Variants in ANK2 observed in about 807,000 individuals in gnomAD.
ANK2 encodes ankyrin-2.
In ANK2, 83 loss-of-function variants were observed where a neutral mutation model predicts 360.5. The ratio of observed to expected loss-of-function variants is 0.23; its 90% confidence interval spans 0.19 to 0.28. ANK2 has a LOEUF of 0.28. Among genes scored for constraint, ANK2 ranks in the 10% least tolerant of loss-of-function variants. ANK2 has a pLI of 1.00. For synonymous variants in ANK2, 1,740 were observed against 1,759.5 expected, an observed-to-expected ratio of 0.99 and a Z score of 0.28; for missense variants, 4,201 against 4,795.7, an observed-to-expected ratio of 0.88 and a Z score of 3.66.
At chr4:113,032,723 C>T (rs868819101) in intron 2 of ANK2, among the ~76,000 whole-genome samples, 4 of 151,968 alleles carry the variant, frequency 2.6e-5, no homozygotes, top group African/African-American at 7.2e-5. Flanking sequence ...CAATTAAATG[C>T]GTTGTATTTT....
intron 13 of ANK2, among the ~76,000 whole-genome samples, chr4:113,263,958 T>G (rs1051598761): frequency 6.6e-6 from 1 of 152,168 alleles, no homozygotes; most frequent in Non-Finnish European, 1.5e-5. Flanking sequence ...TTGTTCTTCA[T>G]GCTACACCTA....
chr4:113,090,879 CTGGT>C lies in ANK2; in HGVS notation c.84+41070_84+41073del, dbSNP rs78466097. On this transcript the variant is annotated intron_variant, in intron 1 of 45. Transcript: ENST00000357077. ...CACTTTCCATACTTTTATAATCTGC[CTGGT>C]TGTCCTAGGCATTTGAGTTTGAGAC... Among the ~76,000 whole-genome samples, 1,473 of 152,316 alleles carry C rather than the reference CTGGT, an allele frequency of 9.7e-3. 41 individuals carry two copies. In the East Asian group the frequency reaches 0.1, roughly 11 times the overall value.
intron 1 of ANK2, among the ~76,000 whole-genome samples, chr4:112,879,552 C>T (rs1457766895): frequency 1.3e-5 from 2 of 152,146 alleles, no homozygotes; most frequent in Admixed American, 6.5e-5. Context: ...CCCTCATCCA[C>T]AGAAACCGTG....
chr4:113,147,771 G>C (rs1351998), intron 1 of ANK2, among the ~76,000 whole-genome samples: 71,258 of 152,052 alleles, frequency 0.47, 17,568 homozygotes, highest in African/African-American at 0.63. Flanking sequence ...AATGAGCTTG[G>C]CTTTTACGTA....
intron 2 of ANK2, among the ~76,000 whole-genome samples, chr4:113,008,712 A>G (rs1481606422): frequency 1.3e-5 from 2 of 152,150 alleles, no homozygotes; most frequent in African/African-American, 4.8e-5. Flanking sequence ...ATTTTGTATC[A>G]TTAGTGGGAT....
At chr4:113,298,795 G>A (rs1184363628) in intron 22 of ANK2, among the ~76,000 whole-genome samples, 1 of 152,056 alleles carries the variant, frequency 6.6e-6, no homozygotes, top group Non-Finnish European at 1.5e-5. Flanking sequence ...CTATAGCCTT[G>A]TTCTCTATGT....
At chr4:112,719,173 CAGGCTT>C in the ANK2 span, among the ~76,000 whole-genome samples, 1 of 152,078 alleles carries the variant, frequency 6.6e-6, no homozygotes, top group South Asian at 2.1e-4. Context: ...TTAAAGAAAC[CAGGCTT>C]AGTAGTTTGC....
intron 1 of ANK2, among the ~76,000 whole-genome samples, chr4:113,059,633 C>T (rs545578000): frequency 3.2e-4 from 49 of 152,164 alleles, no homozygotes; most frequent in African/African-American, 1.0e-3. Context: ...CAGAAATTGG[C>T]AACACTTTCC....
intron 2 of ANK2, among the ~76,000 whole-genome samples, chr4:113,038,403 G>A (rs185799337): frequency 2.4e-4 from 37 of 151,924 alleles, no homozygotes; most frequent in Non-Finnish European, 1.8e-4. Flanking sequence ...ATGAATAAAG[G>A]GAATGCAGAA....
the ANK2 span, among the ~76,000 whole-genome samples, chr4:112,805,578 AT>A: frequency 0.17 from 24,608 of 143,462 alleles, 2,427 homozygotes; most frequent in Non-Finnish European, 0.22. Context: ...AGGCATGCAG[AT>A]TTTTTTTTTT....
chr4:112,849,615 A>G (rs2064154164), intron 1 of ANK2, among the ~76,000 whole-genome samples: 1 of 152,204 alleles, frequency 6.6e-6, no homozygotes, highest in Admixed American at 6.5e-5. Context: ...CTAGTCATAG[A>G]TCTGTTCAGA....
chr4:112,864,209 A>G (rs1268591959), intron 1 of ANK2, among the ~76,000 whole-genome samples: 1 of 152,260 alleles, frequency 6.6e-6, no homozygotes, highest in Non-Finnish European at 1.5e-5. Flanking sequence ...TTTAGCATTC[A>G]AAAAAGAGTT....
Position 113,358,739 on chromosome 4 carries a change from C to G in ANK2, c.10121C>G (p.Pro3374Arg). ...ACCTCTGTCCAGAAGACAGTGGCTC[C>G]TCAGGGACAGGACATGGCAAGCATC... ...LDTSVQKTVA[P>R]QGQDMASIAP... The change falls in exon 38 of 46, where the codon CCT becomes CGT. Residue 3374 changes from proline (P) to arginine (R), a missense_variant. By Grantham distance (103) the Pro-to-Arg change is moderately radical. This residue lies in a region of ANK2 where 2,642 missense variants were observed against 2,714.5 expected (regional missense o/e 0.97). Transcript: ENST00000357077. The G allele has an allele frequency of 6.2e-7, 1 of 1,614,062 alleles. No homozygotes were observed. Among genetic ancestry groups the G allele is most frequent in the Non-Finnish European group, 8.5e-7 (1 of 1,179,962 alleles).
At chr4:113,011,840 C>T (rs2054834749) in intron 2 of ANK2, among the ~76,000 whole-genome samples, 1 of 151,872 alleles carries the variant, frequency 6.6e-6, no homozygotes, top group Non-Finnish European at 1.5e-5. Flanking sequence ...TAGTCTGCCA[C>T]CCTTCACATT....
At chr4:113,191,734 T>A (rs2098668101) in intron 2 of ANK2, among the ~76,000 whole-genome samples, 3 of 152,208 alleles carry the variant, frequency 2.0e-5, no homozygotes, top group Admixed American at 2.0e-4. Context: ...AGAATTAACC[T>A]ACATTGTTTG....
At chr4:112,829,971 AT>A (rs200548241) in intron 1 of ANK2, among the ~76,000 whole-genome samples, 4,214 of 151,682 alleles carry the variant, frequency 0.028, 136 homozygotes, top group African/African-American at 0.069. Context: ...AAAAATAAAA[AT>A]AAAAAATAAA....
rs60272903 is a variant in ANK2 at position 112,829,491 on chromosome 4, C to CAAAA, written c.-40+11243_-40+11246dup. 5.3e-3 allele frequency among the ~76,000 whole-genome samples: 321 copies of CAAAA among 60,714 alleles called. 28 individuals carry two copies. Among genetic ancestry groups the CAAAA allele is most frequent in the African/African-American group, 0.024 (296 of 12,350 alleles). The allele number at this position is 60,714 out of a possible 152,430, so 39.8% of individuals were successfully genotyped here. On this transcript the variant is annotated intron_variant, in intron 1 of 30. Coordinates refer to the ANK2 transcript ENST00000503271. Reference sequence around the variant, plus strand: ...GCAACATAGTATGAGCCCATCTCTACAAAAAAAAAAAAAAAAAAAGGAAGG... The same window carrying CAAAA: ...GCAACATAGTATGAGCCCATCTCTACAAAAAAAAAAAAAAAAAAAAAAAGGAAGG...
intron 24 of ANK2, among the ~76,000 whole-genome samples, chr4:113,316,271 G>T (rs187936930): frequency 5.9e-5 from 9 of 152,132 alleles, no homozygotes; most frequent in South Asian, 2.1e-4. Flanking sequence ...ATGTGTTAAC[G>T]CAAGGATCAG....
chr4:112,802,406 T>G, the ANK2 span, among the ~76,000 whole-genome samples: 1 of 152,062 alleles, frequency 6.6e-6, no homozygotes, highest in Non-Finnish European at 1.5e-5. Flanking sequence ...CGGCTGAGGG[T>G]GCACTGTTTT....
Sources: gnomAD v4.1 joint callset for allele counts (sites outside exome capture counted in the v4.1 genomes callset) on GRCh38, gnomAD v4.1.1 for gene constraint, gnomAD v4.1.1 regional missense constraint, MANE v1.5 for transcripts, NCBI Gene and HGNC (gene_info 2026-07-23, HGNC 2026-07-21) for gene names.